The following P2RX1 variants were observed in gnomAD, a reference collection of about 807,000 sequenced individuals.
The protein encoded by P2RX1 is purinergic receptor P2X 1, also known as P2X purinoceptor 1.
P2RX1 carries 42 observed loss-of-function variants against 50.3 expected under a neutral mutation model. That is an observed-to-expected ratio of 0.83 (90% CI 0.65 to 1.08). The LOEUF is 1.08. Among genes scored for constraint, P2RX1 ranks in the 50% least tolerant of loss-of-function variants. P2RX1 has a pLI of 0.00. For missense variants in P2RX1, 449 were observed against 529.0 expected, an observed-to-expected ratio of 0.85 and a Z score of 1.48; for synonymous variants, 199 against 202.6, an observed-to-expected ratio of 0.98 and a Z score of 0.15.
chr17:3,911,236 C>G (rs977204254), intron 1 of P2RX1, among the ~76,000 whole-genome samples: 6 of 151,952 alleles, frequency 3.9e-5, no homozygotes, highest in Non-Finnish European at 8.8e-5. Context: ...GATCCGCTCA[C>G]TTTGGCCTCC....
chr17:3,914,972 C>T lies in P2RX1; in HGVS notation c.137+1117G>A, dbSNP rs377544411. On this transcript the variant is annotated intron_variant, in intron 1 of 11. Transcript: ENST00000225538. This position sits in a 1 kb window ranked among gnomAD's most constrained non-coding sequence, Gnocchi z 4.1. ...GGGACAGAAGGAGGGCTCTTTTGGA[C>T]GCCAGAAGTTTCCGGGGGACTAGGA... Among the ~76,000 whole-genome samples the T allele has an allele frequency of 6.6e-5, 10 of 152,066 alleles. No homozygotes were observed. Among genetic ancestry groups the T allele is most frequent in the African/African-American group, 9.7e-5 (4 of 41,408 alleles).
Position 3,905,213 on chromosome 17 carries a change from A to G in P2RX1, c.285+7T>C, listed in dbSNP as rs1394892036. 4 of 1,612,180 alleles carry G rather than the reference A, an allele frequency of 2.5e-6. No homozygotes were observed. The South Asian group carries it at 4.4e-5, about 18-fold the overall frequency. ...TGAGGGGAAGGTGCAAACCTGAGCC[A>G]GCTCACCTGGGCTGGGAAGACGTAG... On this transcript the variant is annotated splice_region_variant and intron_variant, in intron 2 of 11. Transcript: ENST00000225538.
chr17:3,904,179 G>C (rs1188629876), intron 4 of P2RX1, 151 bp downstream of exon 4: 1 of 979,942 alleles, frequency 1.0e-6, no homozygotes, highest in East Asian at 2.5e-5. Context: ...AGCCAGGGCG[G>C]AGGAGGGGAG....
intron 7 of P2RX1, among the ~76,000 whole-genome samples, chr17:3,902,275 GC>G (rs1400519436): frequency 6.6e-6 from 1 of 151,372 alleles, no homozygotes; most frequent in Non-Finnish European, 1.5e-5. Flanking sequence ...ACAGGTGCCC[GC>G]CACCACACCC....
intron 1 of P2RX1, chr17:3,915,537 A>G (rs1199818809): frequency 4.4e-6 from 2 of 456,490 alleles, no homozygotes; most frequent in Non-Finnish European, 8.8e-6. Context: ...ACCAGAACCA[A>G]TCTCTGTCCT....
chr17:3,903,906 C>T lies in P2RX1; in HGVS notation c.524+22G>A, dbSNP rs1876664076. 1 of 1,591,804 alleles carries T rather than the reference C, an allele frequency of 6.3e-7. No individual in the cohort carries two copies. Among genetic ancestry groups the T allele is most frequent in the African/African-American group, 1.3e-5 (1 of 74,588 alleles). ...CTGGCCTGGGACCCTGTTCTTAGCT[C>T]TCTGGAAGGTCAGAGTGTTACCGCG... On this transcript the variant is annotated intron_variant, in intron 5 of 11. Coordinates refer to ENST00000225538, the MANE Select transcript of P2RX1 (RefSeq NM_002558.4). This position sits in a 1 kb window ranked among gnomAD's most constrained non-coding sequence, Gnocchi z 4.6.
At chr17:3,905,458 G>C in intron 1 of P2RX1, 91 bp from the exon 2 acceptor site, 2 of 1,445,704 alleles carry the variant, frequency 1.4e-6, no homozygotes, top group East Asian at 4.6e-5. Context: ...ATGTGCCTCT[G>C]AGCCACCATC....
In P2RX1 at chr17:3,904,004, C is replaced by T; in HGVS notation, c.448G>A (p.Val150Met). ...GTCTTCACAGTGTCGTTGAAGGCCA[C>T]ACACTTGCCCGTGCGGATGCCTGGA... Reference protein sequence around the residue: ...KAQGIRTGKCVAFNDTVKTCE... With the variant: ...KAQGIRTGKCMAFNDTVKTCE... The change falls in exon 5 of 12, where the codon GTG becomes ATG. Residue 150 changes from valine to methionine, a missense_variant. Val to Met is a conservative substitution (Grantham distance 21, BLOSUM62 1). Coordinates refer to ENST00000225538, the MANE Select transcript of P2RX1 (RefSeq NM_002558.4). The T allele has an allele frequency of 6.2e-6, 10 of 1,614,120 alleles. No individual in the cohort carries two copies. The highest frequency in any genetic ancestry group is 8.5e-6 in the Non-Finnish European group (10 of 1,179,984).
chr17:3,898,427 A>G, intron 10 of P2RX1, 57 bp downstream of exon 10: 1 of 1,359,186 alleles, frequency 7.4e-7, no homozygotes, highest in Non-Finnish European at 1.1e-6. Flanking sequence ...CTGCTACTGA[A>G]TTGTGGAAGA....
chr17:3,901,305 G>C (rs1254745982), intron 7 of P2RX1, among the ~76,000 whole-genome samples: 1 of 152,222 alleles, frequency 6.6e-6, no homozygotes, highest in East Asian at 1.9e-4. Flanking sequence ...CTGACCTCGT[G>C]ATCCGCCCGC....
At chr17:3,908,374 A>G (rs541846098) in intron 1 of P2RX1, among the ~76,000 whole-genome samples, 1 of 152,280 alleles carries the variant, frequency 6.6e-6, no homozygotes, top group East Asian at 1.9e-4. Flanking sequence ...CAGCTTGGCC[A>G]ACATGGTGAA....
intron 1 of P2RX1, among the ~76,000 whole-genome samples, chr17:3,912,621 G>A (rs149398972): frequency 7.9e-5 from 12 of 152,260 alleles, no homozygotes; most frequent in African/African-American, 2.6e-4. Flanking sequence ...GTGAGCCAAC[G>A]CACCCGGCCC....
At chr17:3,906,677 T>A (rs2056271175) in intron 1 of P2RX1, among the ~76,000 whole-genome samples, 1 of 152,204 alleles carries the variant, frequency 6.6e-6, no homozygotes, top group South Asian at 2.1e-4. Flanking sequence ...TCCAGTTTTC[T>A]TGGGAAATTC....
intron 1 of P2RX1, among the ~76,000 whole-genome samples, chr17:3,909,214 T>C (rs2056320762): frequency 6.6e-6 from 1 of 151,794 alleles, no homozygotes; most frequent in Admixed American, 6.6e-5. Flanking sequence ...TTATTTTTAG[T>C]AGAGAGAGGG....
intron 2 of P2RX1, 139 bp downstream of exon 2, chr17:3,905,081 C>G (rs2056236955): frequency 7.9e-7 from 1 of 1,261,716 alleles, no homozygotes; most frequent in Admixed American, 2.0e-5. Flanking sequence ...GTGATATCAC[C>G]AGGCTGCTTC....
intron 1 of P2RX1, among the ~76,000 whole-genome samples, chr17:3,910,418 G>A (rs1200075321): frequency 2.0e-5 from 3 of 152,180 alleles, no homozygotes; most frequent in African/African-American, 7.2e-5. Context: ...CTATCACCCA[G>A]GCTCAACACC....
Position 3,905,075 on chromosome 17 carries a change from T to C in P2RX1, c.285+145A>G, listed in dbSNP as rs1346929013. 4 of 1,214,238 alleles carry C rather than the reference T, an allele frequency of 3.3e-6. No individual in the cohort carries two copies. In the African/African-American group the frequency reaches 6.0e-5, roughly 18 times the overall value. The allele number at this position is 1,214,238 out of a possible 1,614,324, so 75.2% of individuals were successfully genotyped here. A position where few individuals can be genotyped will look rare whatever the true frequency, so the allele number is the denominator to read the frequency against. On this transcript the variant is annotated intron_variant, in intron 2 of 11. Coordinates refer to ENST00000225538, the MANE Select transcript of P2RX1 (RefSeq NM_002558.4). ...ACCCCCTGCCACCAACATGGGGTGATATCACCAGGCTGCTTCTGCCCGGCA... is the reference window on the plus strand; with the variant it reads ...ACCCCCTGCCACCAACATGGGGTGACATCACCAGGCTGCTTCTGCCCGGCA...
chr17:3,905,119 G>C lies in P2RX1; in HGVS notation c.285+101C>G, dbSNP rs2056237847. ...CCCGGCATTCACAGAGGTCCAGAGA[G>C]AAAGAGGAGCTGGGCTGGTCCCACA... On this transcript the variant is annotated intron_variant, in intron 2 of 11. Transcript: ENST00000225538. 3.4e-6 allele frequency: 5 copies of C among 1,491,960 alleles called. No individual in the cohort carries two copies. In the South Asian group the frequency reaches 5.7e-5, roughly 17 times the overall value. The allele number at this position is 1,491,960 out of a possible 1,614,324, so 92.4% of individuals were successfully genotyped here.
rs968243930 is a variant in P2RX1 at position 3,899,639 on chromosome 17, G to T, written c.870C>A (p.Asn290Lys). 1.2e-6 allele frequency: 2 copies of T among 1,613,358 alleles called. No homozygotes were observed. The highest frequency in any genetic ancestry group is 1.7e-6 in the Non-Finnish European group (2 of 1,179,502). The part of the protein sequence containing the change: ...YEEKNLSPGF[N>K]FRFARHFVEN... ...GCTGGGGGCCTGGCAGACACCTGAAGTTGAAGCCTGGGGAGAGATTTTTCT... is the reference window on the plus strand; with the variant it reads ...GCTGGGGGCCTGGCAGACACCTGAATTTGAAGCCTGGGGAGAGATTTTTCT... The change falls in exon 8 of 12, where the codon AAC becomes AAA. Residue 290 changes from asparagine to lysine, a missense_variant. Asn to Lys is a moderately conservative substitution (Grantham distance 94, BLOSUM62 0). Coordinates refer to ENST00000225538, the MANE Select transcript of P2RX1 (RefSeq NM_002558.4).
Sources: gnomAD v4.1 joint callset for allele counts (sites outside exome capture counted in the v4.1 genomes callset) on GRCh38, gnomAD v4.1.1 for gene constraint, Gnocchi (gnomAD v3.1) non-coding constraint, MANE v1.5 for transcripts, NCBI Gene and HGNC (gene_info 2026-07-23, HGNC 2026-07-21) for gene names.